The following OPCML variants were observed in gnomAD, a reference collection of about 807,000 sequenced individuals.
OPCML encodes opioid binding protein/cell adhesion molecule like.
OPCML carries 13 observed loss-of-function variants against 37.8 expected under a neutral mutation model. The ratio of observed to expected loss-of-function variants is 0.34; its 90% CI spans 0.22 to 0.55. The LOEUF (loss-of-function observed/expected upper bound fraction) is 0.55, where lower values mean the gene tolerates loss of function less well. Among genes scored for constraint, OPCML ranks in the 20% least tolerant of loss-of-function variants. The probability of loss-of-function intolerance (pLI) is 0.91; values close to 1 mark genes in which losing one functional copy is unlikely to be tolerated. For missense variants in OPCML, 341 were observed against 435.6 expected, an observed-to-expected ratio of 0.78 and a Z score of 1.93; for synonymous variants, 176 against 168.8, an observed-to-expected ratio of 1.04 and a Z score of -0.33.
chr11:133,391,683 C>T (rs1205808217), intron 1 of OPCML, among the ~76,000 whole-genome samples: 2 of 152,206 alleles, frequency 1.3e-5, no homozygotes, highest in Admixed American at 1.3e-4. Context: ...TTACAAGGCA[C>T]TCTCAGAAAA....
intron 1 of OPCML, among the ~76,000 whole-genome samples, chr11:133,458,114 C>G (rs971122216): frequency 2.6e-5 from 4 of 151,566 alleles, no homozygotes; most frequent in African/African-American, 9.7e-5. Flanking sequence ...CCATTGCACT[C>G]CAGCCTGGGC....
At chr11:133,402,050 C>T (rs1445478713) in intron 1 of OPCML, among the ~76,000 whole-genome samples, 3 of 152,124 alleles carry the variant, frequency 2.0e-5, no homozygotes, top group Non-Finnish European at 4.4e-5. Flanking sequence ...TATCTTAGTC[C>T]ATTTTGTGCT....
intron 1 of OPCML, chr11:133,008,325 T>G: frequency 2.0e-6 from 2 of 985,354 alleles, no homozygotes; most frequent in Non-Finnish European, 2.4e-6. Context: ...ACAACTAAAA[T>G]GAAAATGGGA....
chr11:132,469,759 AGTGT>A (rs1170435363), intron 4 of OPCML, among the ~76,000 whole-genome samples: 1 of 56,036 alleles, frequency 1.8e-5, no homozygotes, highest in African/African-American at 7.6e-5. Context: ...GAGGGGTGTG[AGTGT>A]GTGTGTATGT....
chr11:132,959,528 C>A (rs1946044895), intron 1 of OPCML, among the ~76,000 whole-genome samples: 1 of 152,252 alleles, frequency 6.6e-6, no homozygotes, highest in Non-Finnish European at 1.5e-5. Context: ...TGCTACAGAG[C>A]AATCTTTCGG....
chr11:132,766,746 T>C (rs1456351031), intron 2 of OPCML, among the ~76,000 whole-genome samples: 1 of 151,174 alleles, frequency 6.6e-6, no homozygotes, highest in Admixed American at 6.6e-5. Flanking sequence ...GCTAAAACCA[T>C]TAAAAAAAAA....
rs68143578 is a variant in OPCML at position 132,441,165 on chromosome 11, G to GTTTTTTTTTTTTTTTTTTTTT, written c.506-3807_506-3806insAAAAAAAAAAAAAAAAAAAAA. On this transcript the variant is annotated intron_variant, in intron 4 of 7. Coordinates refer to ENST00000524381, the MANE Select transcript of OPCML (RefSeq NM_001012393.5). The stretch of plus-strand genomic sequence containing the variant: ...AGATGTGTTCACCAAGGACTTTTTT[G>GTTTTTTTTTTTTTTTTTTTTT]TTTTTTTTTTTTTTTTTTTTGAGAC... Among the ~76,000 whole-genome samples the GTTTTTTTTTTTTTTTTTTTTT allele has an allele frequency of 1.4e-3, 100 of 72,382 alleles. 8 individuals carry two copies. The highest frequency in any genetic ancestry group is 1.6e-3 in the Non-Finnish European group (72 of 44,012). The allele number at this position is 72,382 out of a possible 152,430, so 47.5% of individuals were successfully genotyped here. A position where few individuals can be genotyped will look rare whatever the true frequency, so the allele number is the denominator to read the frequency against.
At chr11:132,598,410 G>T (rs186162997) in intron 3 of OPCML, among the ~76,000 whole-genome samples, 1 of 152,094 alleles carries the variant, frequency 6.6e-6, no homozygotes, top group Non-Finnish European at 1.5e-5. Context: ...TGGGAGACAC[G>T]CAGATGCTCA....
At chr11:133,409,134 A>T (rs1565618678) in intron 1 of OPCML, among the ~76,000 whole-genome samples, 1 of 152,144 alleles carries the variant, frequency 6.6e-6, no homozygotes, top group Non-Finnish European at 1.5e-5. Context: ...TAGAGCAGGC[A>T]TCTCTCCCCA....
At chr11:132,613,977 A>G (rs938771533) in intron 3 of OPCML, among the ~76,000 whole-genome samples, 16 of 152,262 alleles carry the variant, frequency 1.1e-4, no homozygotes, top group Non-Finnish European at 2.2e-4. Context: ...TTTTCCGTGT[A>G]GTAATCAGAT....
chr11:132,965,123 T>C (rs1188525331), intron 1 of OPCML, among the ~76,000 whole-genome samples: 1 of 152,186 alleles, frequency 6.6e-6, no homozygotes, highest in Non-Finnish European at 1.5e-5. Flanking sequence ...TAAGCAGAGT[T>C]CAGATCTTCA....
chr11:133,002,791 A>G (rs370854207), intron 1 of OPCML, among the ~76,000 whole-genome samples: 14 of 152,010 alleles, frequency 9.2e-5, no homozygotes, highest in African/African-American at 3.4e-4. Flanking sequence ...GGGGGGTGGG[A>G]AGAGAAGAGA....
chr11:133,103,573 T>C (rs1311555101), intron 1 of OPCML, among the ~76,000 whole-genome samples: 2 of 152,252 alleles, frequency 1.3e-5, no homozygotes, highest in African/African-American at 2.4e-5. Context: ...CTTTTGTTCA[T>C]ACAATGGAAC....
At chr11:132,791,821 C>G (rs901582177) in intron 2 of OPCML, among the ~76,000 whole-genome samples, 1 of 152,166 alleles carries the variant, frequency 6.6e-6, no homozygotes, top group African/African-American at 2.4e-5. Context: ...TGAATGACAT[C>G]ACCTAGCTCC....
intron 2 of OPCML, among the ~76,000 whole-genome samples, chr11:132,664,390 C>T (rs138430274): frequency 0.01 from 1,594 of 152,166 alleles, 22 homozygotes; most frequent in African/African-American, 0.027. Flanking sequence ...ATTTTAAAGC[C>T]CGAAATGCAT....
chr11:132,501,228 C>A (rs1040670030), intron 4 of OPCML, among the ~76,000 whole-genome samples: 1 of 152,126 alleles, frequency 6.6e-6, no homozygotes, highest in East Asian at 1.9e-4. Flanking sequence ...CAAAAATTAA[C>A]CCAAGATGGA....
At chr11:132,850,517 G>A (rs945415394) in intron 2 of OPCML, among the ~76,000 whole-genome samples, 1 of 53,052 alleles carries the variant, frequency 1.9e-5, no homozygotes, top group Non-Finnish European at 4.3e-5. Context: ...TGTGGAAAGG[G>A]TGTGTGTGTG....
intron 1 of OPCML, among the ~76,000 whole-genome samples, chr11:133,316,366 T>A (rs1943204824): frequency 6.6e-6 from 1 of 152,150 alleles, no homozygotes; most frequent in African/African-American, 2.4e-5. Flanking sequence ...GTTCCCAGGC[T>A]AATAAAATAG....
At position 133,331,487 on chromosome 11, in the gene OPCML, A is replaced by C. The variant is rs143981906; in HGVS notation, c.61+200777T>G. On this transcript the variant is annotated intron_variant, in intron 1 of 7. Coordinates refer to ENST00000524381, the MANE Select transcript of OPCML (RefSeq NM_001012393.5). The stretch of plus-strand genomic sequence containing the variant: ...GGAGTTTTCTTATTTCTTTCTCATT[A>C]TTTTTAATTTTCAAGTACTAACAAA... Among the ~76,000 whole-genome samples the C allele has an allele frequency of 4.1e-4, 62 of 152,196 alleles. No individual in the cohort carries two copies. The East Asian group carries it at 0.012, about 29-fold the overall frequency.
Sources: allele counts gnomAD v4.1 joint callset (sites outside exome capture counted in the v4.1 genomes callset), GRCh38; gene constraint gnomAD v4.1.1; transcripts MANE v1.5; gene names NCBI Gene and HGNC (gene_info 2026-07-23, HGNC 2026-07-21).